SPMIP11: variants seen among roughly 807,000 people sequenced by gnomAD.
SPMIP11 encodes the protein sperm microtubule inner protein 11.
At chr12:48,754,028 A>C in the SPMIP11 span, among the ~76,000 whole-genome samples, 1 of 151,656 alleles carries the variant, frequency 6.6e-6, no homozygotes, top group African/African-American at 2.4e-5. Context: ...TAAGTGGCAC[A>C]ATTCAACCAA....
the SPMIP11 span, among the ~76,000 whole-genome samples, chr12:48,728,108 T>C: frequency 6.6e-6 from 1 of 152,150 alleles, no homozygotes; most frequent in Non-Finnish European, 1.5e-5. Flanking sequence ...AGTCATTCGT[T>C]GGCTCATTTA....
the SPMIP11 span, among the ~76,000 whole-genome samples, chr12:48,745,854 A>G: frequency 6.6e-6 from 1 of 152,178 alleles, no homozygotes; most frequent in South Asian, 2.1e-4. Flanking sequence ...AGATGGGTGT[A>G]TATCTACATG....
At chr12:48,744,602 C>T in the SPMIP11 span, among the ~76,000 whole-genome samples, 1 of 152,036 alleles carries the variant, frequency 6.6e-6, no homozygotes, top group Non-Finnish European at 1.5e-5. Context: ...CATGGTGGCA[C>T]ACACCTGTAA....
chr12:48,736,156 G>A, the SPMIP11 span: 1,075 of 432,112 alleles, frequency 2.5e-3, 6 homozygotes, highest in African/African-American at 0.019. Context: ...GTAATCCCAG[G>A]ACTTTGGAAG....
the SPMIP11 span, among the ~76,000 whole-genome samples, chr12:48,738,764 C>A: frequency 6.6e-6 from 1 of 152,028 alleles, no homozygotes; most frequent in African/African-American, 2.4e-5. Context: ...ATGACTTAGT[C>A]TCAGAAGTGA....
At chr12:48,729,156 C>T in the SPMIP11 span, among the ~76,000 whole-genome samples, 2 of 152,122 alleles carry the variant, frequency 1.3e-5, no homozygotes, top group African/African-American at 2.4e-5. Context: ...AATCCCAGCA[C>T]TTTGAGAGAC....
the SPMIP11 span, among the ~76,000 whole-genome samples, chr12:48,738,919 C>A: frequency 8.0e-6 from 1 of 124,940 alleles, no homozygotes. Context: ...ACCTTCATAT[C>A]AGAACTTTTT....
chr12:48,737,957 G>A, the SPMIP11 span, among the ~76,000 whole-genome samples: 2 of 151,982 alleles, frequency 1.3e-5, no homozygotes, highest in Non-Finnish European at 2.9e-5. Flanking sequence ...CTGAGTAGCT[G>A]GGACTACAGG....
At chr12:48,749,727 T>C in the SPMIP11 span, among the ~76,000 whole-genome samples, 1 of 147,418 alleles carries the variant, frequency 6.8e-6, no homozygotes, top group Admixed American at 6.8e-5. Flanking sequence ...AGTCTTGCCC[T>C]GTTGCCCAGG....
the SPMIP11 span, chr12:48,765,639 C>T: frequency 1.4e-6 from 1 of 702,988 alleles, no homozygotes; most frequent in African/African-American, 1.7e-5. Context: ...AATGACAGGA[C>T]CTTCAGTCTG....
the SPMIP11 span, among the ~76,000 whole-genome samples, chr12:48,728,334 G>A: frequency 6.6e-6 from 1 of 152,212 alleles, no homozygotes; most frequent in African/African-American, 2.4e-5. Flanking sequence ...CGGGGGAGTG[G>A]AGGATGGGGG....
the SPMIP11 span, among the ~76,000 whole-genome samples, chr12:48,760,810 A>G: frequency 6.6e-6 from 1 of 152,222 alleles, no homozygotes; most frequent in Non-Finnish European, 1.5e-5. Flanking sequence ...TACAGGCGTG[A>G]GCCGCCACTT....
chr12:48,742,312 C>T, the SPMIP11 span, among the ~76,000 whole-genome samples: 1 of 129,882 alleles, frequency 7.7e-6, no homozygotes, highest in Non-Finnish European at 1.6e-5. Flanking sequence ...GACGGAGTCT[C>T]ACTCTGTCGC....
At chr12:48,749,455 T>C in the SPMIP11 span, among the ~76,000 whole-genome samples, 1 of 150,862 alleles carries the variant, frequency 6.6e-6, no homozygotes, top group Non-Finnish European at 1.5e-5. Context: ...ATGGGGAAAC[T>C]CTGTCTGTAC....
chr12:48,738,924 C>CTTT, the SPMIP11 span, among the ~76,000 whole-genome samples: 45 of 146,782 alleles, frequency 3.1e-4, no homozygotes, highest in African/African-American at 1.0e-3. Context: ...CATATCAGAA[C>CTTT]TTTTTTTTTT....
chr12:48,735,713 G>A, the SPMIP11 span, among the ~76,000 whole-genome samples: 859 of 152,088 alleles, frequency 5.6e-3, 26 homozygotes, highest in East Asian at 0.088. Context: ...GCTAAATCCC[G>A]TCTCTACTAA....
the SPMIP11 span, among the ~76,000 whole-genome samples, chr12:48,749,679 T>C: frequency 8.3e-6 from 1 of 120,886 alleles, no homozygotes; most frequent in Non-Finnish European, 1.9e-5. Context: ...TTTTTCTGTC[T>C]CTGGTTCTTC....
the SPMIP11 span, among the ~76,000 whole-genome samples, chr12:48,732,599 G>A: frequency 6.6e-6 from 1 of 151,682 alleles, no homozygotes; most frequent in Non-Finnish European, 1.5e-5. Flanking sequence ...GTGAAACCCC[G>A]TCTCTACTAA....
At chr12:48,731,667 A>T in the SPMIP11 span, among the ~76,000 whole-genome samples, 17 of 152,280 alleles carry the variant, frequency 1.1e-4, no homozygotes, top group African/African-American at 4.1e-4. Context: ...GAGAGTTAAC[A>T]ACATTCTACA....
Sources: gnomAD v4.1 joint callset for allele counts (sites outside exome capture counted in the v4.1 genomes callset) on GRCh38, gnomAD v4.1.1 for gene constraint, MANE v1.5 for transcripts, NCBI Gene and HGNC (gene_info 2026-07-23, HGNC 2026-07-21) for gene names.